ESPL1: variants seen among roughly 807,000 people sequenced by gnomAD.
The protein encoded by ESPL1 is extra spindle pole bodies like 1, separase, also known as separin.
ESPL1 carries 50 observed loss-of-function variants against 217.2 expected under a neutral mutation model. The ratio of observed to expected loss-of-function variants is 0.23; its 90% confidence interval spans 0.18 to 0.29. The LOEUF is 0.29. Ranked by LOEUF, ESPL1 falls within the 10% of genes least tolerant of loss-of-function variation. The pLI, the probability that ESPL1 is intolerant of heterozygous loss-of-function variation, is 1.00. For synonymous variants in ESPL1, 994 were observed against 1,081.3 expected (o/e 0.92, Z 1.58); for missense variants, 1,834 against 2,603.0 (o/e 0.70, Z 6.43).
rs1013705689 is a variant in ESPL1 at position 53,293,220 on chromosome 12, A to G, written c.6162-53A>G. Reference sequence around the variant, plus strand: ...CCCCCACCACCAATGGTGTTTTCCTATGTATTCTGTTTTAGAGCCCTTACT... The same window carrying G: ...CCCCCACCACCAATGGTGTTTTCCTGTGTATTCTGTTTTAGAGCCCTTACT... On this transcript the variant is annotated intron_variant, in intron 30 of 30. Coordinates refer to ENST00000257934, the MANE Select transcript of ESPL1 (RefSeq NM_012291.5). The surrounding 1 kb of genome is among the most constrained non-coding windows in gnomAD (Gnocchi z 4.2). 7.8e-5 allele frequency: 111 copies of G among 1,430,316 alleles called. No homozygotes were observed. The highest frequency in any genetic ancestry group is 5.2e-4 in the Middle Eastern group (3 of 5,748). The allele number at this position is 1,430,316 out of a possible 1,614,324, so 88.6% of individuals were successfully genotyped here. A position where few individuals can be genotyped will look rare whatever the true frequency, so the allele number is the denominator to read the frequency against.
chr12:53,283,013 A>T, intron 14 of ESPL1, 116 bp from the exon 15 acceptor site: 1 of 1,335,380 alleles, frequency 7.5e-7, no homozygotes, highest in Non-Finnish European at 1.1e-6. Context: ...GAGATTGATT[A>T]GCTCTGCCTG....
Position 53,292,182 on chromosome 12 carries a change from C to T in ESPL1, c.5796+94C>T, listed in dbSNP as rs1944073481. On this transcript the variant is annotated intron_variant, in intron 27 of 30. Coordinates refer to ENST00000257934, the MANE Select transcript of ESPL1 (RefSeq NM_012291.5). The surrounding 1 kb of genome is among the most constrained non-coding windows in gnomAD (Gnocchi z 4.5). The stretch of plus-strand genomic sequence containing the variant: ...GAAACCTGAGAAGATAGGAGAGGGT[C>T]CTAGGAATGGCTCAGACATGGAAAG... 7.1e-7 allele frequency: 1 copy of T among 1,408,206 alleles called. No homozygotes were observed. Among genetic ancestry groups the T allele is most frequent in the African/African-American group, 1.4e-5 (1 of 70,756 alleles). The allele number at this position is 1,408,206 out of a possible 1,614,324, so 87.2% of individuals were successfully genotyped here.
At position 53,286,023 on chromosome 12, in the gene ESPL1, A is replaced by G. The variant is rs1565760807; in HGVS notation, c.3287A>G (p.Glu1096Gly). 6.2e-7 allele frequency: 1 copy of G among 1,606,306 alleles called. No homozygotes were observed. The part of the protein sequence containing the change: ...AQVPCPPQLP[E>G]EELFLRGPAL... Reference sequence around the variant, plus strand: ...GTCCCCTGTCCTCCACAGCTCCCAGAGGAGGAGCTCTTCCTAAGAGGCCCT... The same window carrying G: ...GTCCCCTGTCCTCCACAGCTCCCAGGGGAGGAGCTCTTCCTAAGAGGCCCT... The change falls in exon 18 of 31, where the codon GAG becomes GGG. Residue 1096 changes from glutamate (E) to glycine (G), a missense_variant. Physicochemically the swap from Glu to Gly is moderately conservative, Grantham distance 98. This residue lies in a region of ESPL1 where 681 missense variants were observed against 808.0 expected (regional missense o/e 0.84). Coordinates refer to ENST00000257934, the MANE Select transcript of ESPL1 (RefSeq NM_012291.5). The surrounding 1 kb of genome is among the most constrained non-coding windows in gnomAD (Gnocchi z 5.3).
At chr12:53,272,397 GC>G (rs1470797601) in intron 5 of ESPL1, among the ~76,000 whole-genome samples, 1 of 152,158 alleles carries the variant, frequency 6.6e-6, no homozygotes, top group African/African-American at 2.4e-5. Context: ...GGTGACATGA[GC>G]AAAGGCTTGG....
In ESPL1 at chr12:53,292,471, C is replaced by T. The variant is rs1420744741; in HGVS notation, c.5912+78C>T. On this transcript the variant is annotated intron_variant, in intron 28 of 30. Transcript: ENST00000257934. This position sits in a 1 kb window ranked among gnomAD's most constrained non-coding sequence, Gnocchi z 4.5. ...GGGCAACAAGCCTTTTCTCCAGAAA[C>T]AGCTGTTGCAGCCCACCTTCTATCT... is the stretch of plus-strand genomic sequence containing the variant. 10 of 1,370,714 alleles carry T rather than the reference C, an allele frequency of 7.3e-6. No individual in the cohort carries two copies. The highest frequency in any genetic ancestry group is 1.2e-5 in the South Asian group (1 of 86,188). The allele number at this position is 1,370,714 out of a possible 1,614,324, so 84.9% of individuals were successfully genotyped here. A position where few individuals can be genotyped will look rare whatever the true frequency, so the allele number is the denominator to read the frequency against.
At chr12:53,287,590 C>T (rs1431481667) in intron 18 of ESPL1, 1 of 161,286 alleles carries the variant, frequency 6.2e-6, no homozygotes, top group Non-Finnish European at 1.3e-5. Flanking sequence ...GTCTCAAACT[C>T]CTGACCTCAG....
chr12:53,277,684 A>C, intron 10 of ESPL1, 76 bp downstream of exon 10: 1 of 1,579,414 alleles, frequency 6.3e-7, no homozygotes, highest in South Asian at 1.1e-5. Context: ...TGGTGAGGGA[A>C]ACCCTGACCT....
intron 5 of ESPL1, among the ~76,000 whole-genome samples, chr12:53,271,335 C>A (rs948197471): frequency 7.3e-5 from 11 of 151,488 alleles, no homozygotes; most frequent in African/African-American, 2.2e-4. Context: ...GACTCTCCTG[C>A]CTCAGCCTCC....
In ESPL1 at chr12:53,288,361, G is replaced by A. The variant is rs1353179871; in HGVS notation, c.4546+20G>A. 1 of 1,575,380 alleles carries A rather than the reference G, an allele frequency of 6.3e-7. No individual in the cohort carries two copies. Among genetic ancestry groups the A allele is most frequent in the Admixed American group, 1.9e-5 (1 of 53,188 alleles). On this transcript the variant is annotated intron_variant, in intron 19 of 30. Coordinates refer to ENST00000257934, the MANE Select transcript of ESPL1 (RefSeq NM_012291.5). Reference sequence around the variant, plus strand: ...CCTCAGGTAGGACAGCAAGGGTGAGGTGGAAGGTGCATGTTTTGGGGGTTT... The same window carrying A: ...CCTCAGGTAGGACAGCAAGGGTGAGATGGAAGGTGCATGTTTTGGGGGTTT...
rs1267388853 is a variant in ESPL1, at chr12:53,289,276, T to G, written c.4895T>G (p.Leu1632Arg). Residue 1632 changes from leucine to arginine, a missense_variant, in exon 21 of 31, where the codon CTG (leucine) becomes CGG (arginine). By Grantham distance (102) the Leu-to-Arg change is moderately radical. This residue lies in a region of ESPL1 where 681 missense variants were observed against 808.0 expected (regional missense o/e 0.84). Coordinates refer to ENST00000257934, the MANE Select transcript of ESPL1 (RefSeq NM_012291.5). Reference protein sequence around the residue: ...ESVSITCRHQLLTHLHRQLSK... With the variant: ...ESVSITCRHQRLTHLHRQLSK... ...GTCTCCATCACCTGTCGCCACCAGC[T>G]GCTCACCCACCTCCACAGACAGCTC... 6.2e-7 allele frequency: 1 copy of G among 1,611,806 alleles called. No individual in the cohort carries two copies. Among genetic ancestry groups the G allele is most frequent in the African/African-American group, 1.3e-5 (1 of 74,938 alleles).
rs748330365 is a variant in ESPL1 at position 53,286,026 on chromosome 12, A to G, written c.3290A>G (p.Glu1097Gly). Residue 1097 changes from glutamate to glycine, a missense_variant, in exon 18 of 31, where the codon GAG becomes GGG. This residue lies in a region of ESPL1 where 681 missense variants were observed against 808.0 expected (regional missense o/e 0.84). Transcript: ENST00000257934. This position sits in a 1 kb window ranked among gnomAD's most constrained non-coding sequence, Gnocchi z 5.3. Reference sequence around the variant, plus strand: ...CCCTGTCCTCCACAGCTCCCAGAGGAGGAGCTCTTCCTAAGAGGCCCTGCT... The same window carrying G: ...CCCTGTCCTCCACAGCTCCCAGAGGGGGAGCTCTTCCTAAGAGGCCCTGCT... ...QVPCPPQLPE[E>G]ELFLRGPALE... 10 of 1,606,676 alleles carry G rather than the reference A, an allele frequency of 6.2e-6. No homozygotes were observed. The highest frequency in any genetic ancestry group is 8.5e-6 in the Non-Finnish European group (10 of 1,173,770).
intron 3 of ESPL1, 120 bp downstream of exon 3, chr12:53,270,205 T>A: frequency 9.8e-7 from 1 of 1,025,310 alleles, no homozygotes; most frequent in Non-Finnish European, 1.5e-6. Context: ...CTCTGGACAG[T>A]GCCTAGCGAG....
At chr12:53,268,651 A>G in intron 1 of ESPL1, 104 bp from the exon 2 acceptor site, 2 of 666,670 alleles carry the variant, frequency 3.0e-6, no homozygotes, top group South Asian at 1.9e-5. Context: ...CCCCGATGAA[A>G]TTTCTGATGT....
rs202189580 is a variant in ESPL1 at position 53,292,405 on chromosome 12, G to A, written c.5912+12G>A. Reference sequence around the variant, plus strand: ...GCCAATTTCAGCAGGTCAGGGGCGCGAAGACAAGAAGACGTGTGGGGAAGG... The same window carrying A: ...GCCAATTTCAGCAGGTCAGGGGCGCAAAGACAAGAAGACGTGTGGGGAAGG... On this transcript the variant is annotated intron_variant, in intron 28 of 30. Coordinates refer to ENST00000257934, the MANE Select transcript of ESPL1 (RefSeq NM_012291.5). The surrounding 1 kb of genome is among the most constrained non-coding windows in gnomAD (Gnocchi z 4.5). 24 of 1,571,516 alleles carry A rather than the reference G, an allele frequency of 1.5e-5. No homozygotes were observed. The highest frequency in any genetic ancestry group is 9.0e-5 in the East Asian group (4 of 44,686).
chr12:53,276,087 A>G (rs956535307), intron 7 of ESPL1, among the ~76,000 whole-genome samples: 1 of 152,138 alleles, frequency 6.6e-6, no homozygotes, highest in Non-Finnish European at 1.5e-5. Flanking sequence ...CCTATAGTCT[A>G]TTTACACTTG....
rs779745957 is a variant in ESPL1 at position 53,282,332 on chromosome 12, T to C, written c.2688T>C (p.Ala896=). 1.2e-6 allele frequency: 2 copies of C among 1,614,038 alleles called. No individual in the cohort carries two copies. The highest frequency in any genetic ancestry group is 2.7e-5 in the African/African-American group (2 of 74,918). The change falls in exon 14 of 31, where the codon GCT becomes GCC. Residue 896 remains alanine, a synonymous_variant. Coordinates refer to ENST00000257934, the MANE Select transcript of ESPL1 (RefSeq NM_012291.5). The surrounding 1 kb of genome is among the most constrained non-coding windows in gnomAD (Gnocchi z 4.0). ...RDPALQKSSK[A]WYLLRVQVLQ... is the part of the protein sequence containing the mutation. ...CTGCCCTCCAGAAGTCCTCCAAGGCTTGGTACTTGCTGCGTGTCCAGGTCC... is the reference window on the plus strand; with the variant it reads ...CTGCCCTCCAGAAGTCCTCCAAGGCCTGGTACTTGCTGCGTGTCCAGGTCC...
chr12:53,270,311 G>A, intron 3 of ESPL1, 67 bp from the exon 4 acceptor site: 1 of 1,203,366 alleles, frequency 8.3e-7, no homozygotes, highest in East Asian at 2.3e-5. Context: ...AGGACTCCGG[G>A]TCAGTCTTCA....
chr12:53,289,194 G>A lies in ESPL1; in HGVS notation c.4813G>A (p.Ala1605Thr). Residue 1605 changes from alanine (A) to threonine (T), a missense_variant, in exon 21 of 31, where the codon GCC becomes ACC. By Grantham distance (58) the Ala-to-Thr change is moderately conservative (BLOSUM62 0). This residue lies in a region of ESPL1 where 681 missense variants were observed against 808.0 expected (regional missense o/e 0.84). Coordinates refer to ENST00000257934, the MANE Select transcript of ESPL1 (RefSeq NM_012291.5). ...GLYAHLCRFL[A>T]LCLGHRDPYA... ...CTATGCCCACCTCTGCCGCTTCCTG[G>A]CCTTGTGCCTGGGCCACCGGGATCC... is the stretch of plus-strand genomic sequence containing the variant. 2.5e-6 allele frequency: 4 copies of A among 1,614,058 alleles called. No individual in the cohort carries two copies.
rs1276347990 is a variant in ESPL1, at chr12:53,285,957, T to C, written c.3221T>C (p.Val1074Ala). 1 of 1,554,158 alleles carries C rather than the reference T, an allele frequency of 6.4e-7. No individual in the cohort carries two copies. Residue 1074 changes from valine to alanine, a missense_variant, in exon 18 of 31, where the codon GTG (valine) becomes GCG (alanine). Val to Ala is a moderately conservative substitution (Grantham distance 64). This residue lies in a region of ESPL1 where 681 missense variants were observed against 808.0 expected (regional missense o/e 0.84). Coordinates refer to ENST00000257934, the MANE Select transcript of ESPL1 (RefSeq NM_012291.5). ...FGGVTQHLDS[V>A]KKVHLQKGKQ... ...GGGGTGACTCAGCACCTGGACTCTGTGAAGAAGGTCCACCTGCAGAAGGGG... is the reference window on the plus strand; with the variant it reads ...GGGGTGACTCAGCACCTGGACTCTGCGAAGAAGGTCCACCTGCAGAAGGGG...
Sources: allele counts gnomAD v4.1 joint callset (sites outside exome capture counted in the v4.1 genomes callset), GRCh38; gene constraint gnomAD v4.1.1; regional missense constraint gnomAD v4.1.1; non-coding constraint Gnocchi (gnomAD v3.1); transcripts MANE v1.5; gene names NCBI Gene and HGNC (gene_info 2026-07-23, HGNC 2026-07-21).